Variants in DEFB125 observed in about 807,000 individuals in gnomAD.
The protein encoded by DEFB125 is beta-defensin 125.
A neutral mutation model predicts 11.8 loss-of-function variants in DEFB125; 11 were observed. That is an observed-to-expected ratio of 0.94 (90% CI 0.59 to 1.55). The LOEUF (loss-of-function observed/expected upper bound fraction) is 1.55, where lower values mean the gene tolerates loss of function less well. DEFB125 is among the 40% of genes most tolerant of loss of function. DEFB125 has a pLI of 0.00. For missense variants in DEFB125, 198 were observed against 191.2 expected (o/e 1.04, Z -0.21); for synonymous variants, 79 against 66.7 (o/e 1.18, Z -0.90).
chr20:92,255 A>G (rs1346576836), intron 1 of DEFB125, among the ~76,000 whole-genome samples: 1 of 151,994 alleles, frequency 6.6e-6, no homozygotes, highest in African/African-American at 2.4e-5. Context: ...GAGAAAGATG[A>G]TCATGCCGTT....
chr20:95,336 T>G (rs1251424441), intron 1 of DEFB125, among the ~76,000 whole-genome samples: 1 of 152,134 alleles, frequency 6.6e-6, no homozygotes, highest in Non-Finnish European at 1.5e-5. Context: ...CAACCCACCA[T>G]GGTTTACCAA....
Position 96,105 on chromosome 20 carries a change from A to C in DEFB125, c.159A>C (p.Leu53=). The change falls in exon 2 of 2, where the codon CTA becomes CTC. Residue 53 remains leucine, a synonymous_variant. Coordinates refer to ENST00000382410, the MANE Select transcript of DEFB125 (RefSeq NM_153325.4). ...ERYILLCRNK[L]SCCISIISHE... ...ACATACTTCTTTGTAGGAACAAGCTATCATGCTGCATTTCTATAATATCAC... is the reference window on the plus strand; with the variant it reads ...ACATACTTCTTTGTAGGAACAAGCTCTCATGCTGCATTTCTATAATATCAC... 1 of 1,614,184 alleles carries C rather than the reference A, an allele frequency of 6.2e-7. No individual in the cohort carries two copies. The highest frequency in any genetic ancestry group is 8.5e-7 in the Non-Finnish European group (1 of 1,180,038).
chr20:94,499 A>T (rs2054507505), intron 1 of DEFB125, among the ~76,000 whole-genome samples: 1 of 152,044 alleles, frequency 6.6e-6, no homozygotes, highest in Non-Finnish European at 1.5e-5. Flanking sequence ...CACATCCTAG[A>T]TCCCTCACAT....
rs1245998715 is a variant in DEFB125, at chr20:96,916, C to T, written c.*499C>T. ...TCCACCTTTTATTGTAAGTTCTGAC[C>T]CTAAATACTTTTCTGTGTCATGACG... is the stretch of plus-strand genomic sequence containing the variant. On this transcript the variant is annotated 3_prime_UTR_variant, in exon 2 of 2. Coordinates refer to ENST00000382410, the MANE Select transcript of DEFB125 (RefSeq NM_153325.4). 6.5e-6 allele frequency: 1 copy of T among 154,176 alleles called. No homozygotes were observed. Among genetic ancestry groups the T allele is most frequent in the Non-Finnish European group, 1.4e-5 (1 of 69,424 alleles). 9.6% of individuals were successfully genotyped at this position (154,176 alleles called of 1,614,324 possible).
At chr20:90,377 T>C (rs1042708444) in intron 1 of DEFB125, among the ~76,000 whole-genome samples, 4 of 152,236 alleles carry the variant, frequency 2.6e-5, no homozygotes, top group African/African-American at 9.6e-5. Context: ...ATGACACTCA[T>C]ATCTATCAGG....
chr20:96,683 T>C lies in DEFB125; in HGVS notation c.*266T>C, dbSNP rs2054517187. 5.2e-6 allele frequency: 2 copies of C among 383,028 alleles called. No homozygotes were observed. The highest frequency in any genetic ancestry group is 4.1e-5 in the Admixed American group (1 of 24,226). The allele number at this position is 383,028 out of a possible 1,614,324, so 23.7% of individuals were successfully genotyped here. A position where few individuals can be genotyped will look rare whatever the true frequency, so the allele number is the denominator to read the frequency against. ...TGTCTTCCTCCGATGTACTCAAATA[T>C]ATGAGCTAATTTTTGTCTTAAGTGA... On this transcript the variant is annotated 3_prime_UTR_variant, in exon 2 of 2. Coordinates refer to ENST00000382410, the MANE Select transcript of DEFB125 (RefSeq NM_153325.4).
chr20:95,386 A>G (rs904495978), intron 1 of DEFB125, among the ~76,000 whole-genome samples: 11 of 152,158 alleles, frequency 7.2e-5, no homozygotes, highest in African/African-American at 2.7e-4. Flanking sequence ...AATCACATTT[A>G]TTGATTTGCA....
intron 1 of DEFB125, among the ~76,000 whole-genome samples, chr20:89,078 T>TA (rs1457660517): frequency 3.3e-5 from 5 of 152,236 alleles, no homozygotes; most frequent in African/African-American, 1.2e-4. Context: ...CATGACACTT[T>TA]AGTTATAAAT....
At chr20:93,216 G>A (rs548061785) in intron 1 of DEFB125, among the ~76,000 whole-genome samples, 7 of 151,934 alleles carry the variant, frequency 4.6e-5, no homozygotes, top group Non-Finnish European at 1.0e-4. Flanking sequence ...TGATCTGCCC[G>A]CCTCGATCTC....
rs1600133097 is a variant in DEFB125, at chr20:87,713, A to C, written c.4A>C (p.Asn2His). Residue 2 changes from asparagine (N) to histidine (H), a missense_variant, in exon 1 of 2, where the codon AAT (asparagine) becomes CAT (histidine). By Grantham distance (68) the Asn-to-His change is moderately conservative (BLOSUM62 1). Coordinates refer to ENST00000382410, the MANE Select transcript of DEFB125 (RefSeq NM_153325.4). MNILMLTFIICG... is the reference protein window; with the variant it reads MHILMLTFIICG... Reference sequence around the variant, plus strand: ...AGCTTCCTCTCTCCCAGGAGCCATGAATATCCTGATGCTGACCTTCATTAT... The same window carrying C: ...AGCTTCCTCTCTCCCAGGAGCCATGCATATCCTGATGCTGACCTTCATTAT... 1.2e-6 allele frequency: 2 copies of C among 1,613,162 alleles called. No homozygotes were observed. Among genetic ancestry groups the C allele is most frequent in the Non-Finnish European group, 1.7e-6 (2 of 1,179,206 alleles).
intron 1 of DEFB125, among the ~76,000 whole-genome samples, chr20:91,681 G>A (rs2054496638): frequency 6.6e-6 from 1 of 152,170 alleles, no homozygotes; most frequent in Non-Finnish European, 1.5e-5. Flanking sequence ...CAGTAGGAAG[G>A]AATGTAAGTG....
intron 1 of DEFB125, among the ~76,000 whole-genome samples, chr20:94,805 C>A (rs924885625): frequency 5.3e-5 from 8 of 152,334 alleles, no homozygotes; most frequent in Non-Finnish European, 1.2e-4. Context: ...CTACAGTCTA[C>A]TTCTATGAAC....
rs2122980591 is a variant in DEFB125 at position 96,184 on chromosome 20, T to C, written c.238T>C (p.Leu80=). 6.2e-7 allele frequency: 1 copy of C among 1,614,194 alleles called. No homozygotes were observed. The highest frequency in any genetic ancestry group is 8.5e-7 in the Non-Finnish European group (1 of 1,180,024). The change falls in exon 2 of 2, where the codon TTG becomes CTG. Residue 80 remains leucine (L), a synonymous_variant. Coordinates refer to ENST00000382410, the MANE Select transcript of DEFB125 (RefSeq NM_153325.4). The stretch of plus-strand genomic sequence containing the variant: ...TGTGATTCACCTAGAGGATATAACA[T>C]TGGATTATAGTGATGTGGACTCTTT... ...FPVIHLEDIT[L]DYSDVDSFTG...
chr20:88,425 C>G (rs557897731), intron 1 of DEFB125, among the ~76,000 whole-genome samples: 144 of 152,210 alleles, frequency 9.5e-4, no homozygotes, highest in African/African-American at 3.4e-3. Flanking sequence ...ATAATACTTG[C>G]AATTGACTTA....
At chr20:88,865 G>GACACACACACACAC (rs200122767) in intron 1 of DEFB125, among the ~76,000 whole-genome samples, 5 of 148,426 alleles carry the variant, frequency 3.4e-5, no homozygotes, top group African/African-American at 1.2e-4. Context: ...TGGACACGTG[G>GACACACACACACAC]ACACACACAC....
At chr20:88,865 G>GACACACAC (rs200122767) in intron 1 of DEFB125, among the ~76,000 whole-genome samples, 3,461 of 148,478 alleles carry the variant, frequency 0.023, 52 homozygotes, top group African/African-American at 0.031. Flanking sequence ...TGGACACGTG[G>GACACACAC]ACACACACAC....
intron 1 of DEFB125, 143 bp downstream of exon 1, chr20:87,910 C>T (rs2054481971): frequency 2.5e-6 from 2 of 794,590 alleles, no homozygotes; most frequent in Admixed American, 4.2e-5. Flanking sequence ...ATTTTGGCAG[C>T]TCCATGCCCC....
At chr20:90,452 G>A (rs6040395) in intron 1 of DEFB125, among the ~76,000 whole-genome samples, 7,912 of 152,166 alleles carry the variant, frequency 0.052, 594 homozygotes, top group African/African-American at 0.17. Flanking sequence ...CTCCATTGCT[G>A]CCACTCTGAT....
intron 1 of DEFB125, among the ~76,000 whole-genome samples, chr20:95,046 T>C (rs1269819183): frequency 6.6e-6 from 1 of 152,100 alleles, no homozygotes; most frequent in Non-Finnish European, 1.5e-5. Context: ...AGGTTATAAC[T>C]CACCTTTTCT....
Sources: allele counts gnomAD v4.1 joint callset (sites outside exome capture counted in the v4.1 genomes callset), GRCh38; gene constraint gnomAD v4.1.1; transcripts MANE v1.5; gene names NCBI Gene and HGNC (gene_info 2026-07-23, HGNC 2026-07-21).